ZNF66: variants seen among roughly 807,000 people sequenced by gnomAD.
The protein encoded by ZNF66 is zinc finger protein 66.
A neutral mutation model predicts 35.2 loss-of-function variants in ZNF66; 32 were observed. The ratio of observed to expected loss-of-function variants is 0.91; its 90% CI spans 0.69 to 1.22. The LOEUF (loss-of-function observed/expected upper bound fraction) is 1.22, where lower values mean the gene tolerates loss of function less well. ZNF66 is among the 50% of genes most tolerant of loss of function. The probability of loss-of-function intolerance (pLI) is 0.00; values close to 1 mark genes in which losing one functional copy is unlikely to be tolerated. For synonymous variants in ZNF66, 231 were observed against 181.3 expected (o/e 1.27, Z -2.20); for missense variants, 666 against 543.1 (o/e 1.23, Z -2.25).
intron 1 of ZNF66, chr19:20,785,215 G>C (rs145900419): frequency 6.6e-6 from 1 of 152,280 alleles, no homozygotes; most frequent in Admixed American, 6.5e-5. Flanking sequence ...AATGTGAGCT[G>C]TGCTCTGGGC....
At chr19:20,779,928 CA>C (rs71174746) in intron 1 of ZNF66, among the ~76,000 whole-genome samples, 89,065 of 128,476 alleles carry the variant, frequency 0.69, 29,530 homozygotes, top group Non-Finnish European at 0.73. Context: ...AACTCTGTCT[CA>C]AAAAAAAAAA....
chr19:20,795,239 G>A (rs1003485144), intron 3 of ZNF66, among the ~76,000 whole-genome samples: 1 of 151,880 alleles, frequency 6.6e-6, no homozygotes, highest in Non-Finnish European at 1.5e-5. Context: ...TCAAATAGAA[G>A]CATTGACAAT....
chr19:20,781,963 A>C (rs1309181411), intron 1 of ZNF66, among the ~76,000 whole-genome samples: 1 of 151,338 alleles, frequency 6.6e-6, no homozygotes, highest in East Asian at 2.0e-4. Context: ...TTGGAGACAG[A>C]GTCTCACTTA....
chr19:20,776,398 G>A lies in ZNF66; in HGVS notation c.-50G>A, dbSNP rs141189865. On this transcript the variant is annotated 5_prime_UTR_variant, in exon 1 of 4. Transcript: ENST00000344519. ...GCCTCTGTGGCCCTGTGTCCTGCAG[G>A]TATTGGGAGATCCACAGCTAAGACG... The A allele has an allele frequency of 1.9e-3, 2,951 of 1,550,448 alleles. 4 individuals carry two copies. Among genetic ancestry groups the A allele is most frequent in the Non-Finnish European group, 2.2e-3 (2,508 of 1,124,176 alleles).
intron 3 of ZNF66, among the ~76,000 whole-genome samples, chr19:20,800,301 T>C (rs1177033328): frequency 6.6e-6 from 1 of 152,174 alleles, no homozygotes; most frequent in Non-Finnish European, 1.5e-5. Context: ...TGGCACCCAG[T>C]AGGTATTTTT....
At chr19:20,777,201 G>A (rs182597959) in intron 1 of ZNF66, among the ~76,000 whole-genome samples, 2 of 151,548 alleles carry the variant, frequency 1.3e-5, no homozygotes, top group Non-Finnish European at 1.5e-5. Context: ...GAATTGTAGA[G>A]CACCCAGCTA....
At chr19:20,803,680 A>G (rs945585392) in intron 3 of ZNF66, among the ~76,000 whole-genome samples, 12 of 152,120 alleles carry the variant, frequency 7.9e-5, no homozygotes, top group Admixed American at 6.5e-5. Context: ...TTTCCCAGAA[A>G]GTTACATATT....
chr19:20,780,324 C>CT (rs1210920607), intron 1 of ZNF66, among the ~76,000 whole-genome samples: 4 of 152,120 alleles, frequency 2.6e-5, no homozygotes, highest in Non-Finnish European at 5.9e-5. Flanking sequence ...TGTGTTTCAT[C>CT]TTTCCCCATT....
At chr19:20,792,182 T>A (rs1348325962) in intron 1 of ZNF66, among the ~76,000 whole-genome samples, 1 of 152,200 alleles carries the variant, frequency 6.6e-6, no homozygotes, top group Admixed American at 6.5e-5. Context: ...AAAACATGCC[T>A]TTTTCATCTG....
chr19:20,783,964 C>T (rs1245080965), intron 1 of ZNF66, among the ~76,000 whole-genome samples: 1 of 152,182 alleles, frequency 6.6e-6, no homozygotes. Flanking sequence ...TCAAGTGATT[C>T]TCCTGCCTCA....
chr19:20,799,078 T>TTTTTTTTTTTTTTTTTTTTTTTTTTTC (rs1460346688), intron 3 of ZNF66: 30 of 139,972 alleles, frequency 2.1e-4, no homozygotes, highest in Non-Finnish European at 3.3e-4. Flanking sequence ...TTTTTTTTTT[T>TTTTTTTTTTTTTTTTTTTTTTTTTTTC]TGAGATGGAA....
chr19:20,788,076 A>T (rs1464863183), intron 1 of ZNF66, among the ~76,000 whole-genome samples: 1 of 152,110 alleles, frequency 6.6e-6, no homozygotes, highest in Non-Finnish European at 1.5e-5. Context: ...GTGTTTTTTC[A>T]TCCCCTCATA....
chr19:20,782,072 A>G (rs1307340672), intron 1 of ZNF66, among the ~76,000 whole-genome samples: 1 of 152,138 alleles, frequency 6.6e-6, no homozygotes, highest in Non-Finnish European at 1.5e-5. Flanking sequence ...CCAAGAAGCT[A>G]GGACTACACC....
intron 3 of ZNF66, chr19:20,799,061 C>CTTTTTTTTTTTTTTTTT (rs374547894): frequency 8.6e-6 from 1 of 116,702 alleles, no homozygotes; most frequent in African/African-American, 3.3e-5. Flanking sequence ...CTTTTTCTTT[C>CTTTTTTTTTTTTTTTTT]TTTCTTTTTT....
chr19:20,793,993 G>A (rs535654875), intron 3 of ZNF66, 115 bp downstream of exon 3: 2 of 569,876 alleles, frequency 3.5e-6, no homozygotes, highest in East Asian at 3.1e-5. Context: ...GAACTTCTGG[G>A]CAGCTGTTTT....
intron 1 of ZNF66, 59 bp downstream of exon 1, chr19:20,776,509 C>T (rs958526940): frequency 6.2e-5 from 92 of 1,494,532 alleles, no homozygotes; most frequent in Non-Finnish European, 8.2e-5. Flanking sequence ...GGACTCAGGC[C>T]TCCCCTCAGT....
In ZNF66 at chr19:20,797,247, C is replaced by T. The variant is rs1429554075; in HGVS notation, c.226+3369C>T. Among the ~76,000 whole-genome samples the T allele has an allele frequency of 5.2e-5, 5 of 96,464 alleles. No homozygotes were observed. The Admixed American group carries it at 6.7e-4, about 13-fold the overall frequency. The allele number at this position is 96,464 out of a possible 152,430, so 63.3% of individuals were successfully genotyped here. A position where few individuals can be genotyped will look rare whatever the true frequency, so the allele number is the denominator to read the frequency against. On this transcript the variant is annotated intron_variant, in intron 3 of 3. Coordinates refer to ENST00000344519, the MANE Select transcript of ZNF66 (RefSeq NM_001355197.2). ...TTTTGAGACGGAGTCTCGCTGTCGC[C>T]CAGGCTGGAGTGCAGTGGCGCAATC...
chr19:20,798,659 C>T (rs533092141), intron 3 of ZNF66, among the ~76,000 whole-genome samples: 1 of 152,198 alleles, frequency 6.6e-6, no homozygotes, highest in East Asian at 1.9e-4. Flanking sequence ...AAACTCAATG[C>T]CCATTAAGTA....
intron 1 of ZNF66, among the ~76,000 whole-genome samples, chr19:20,781,092 A>G (rs1971241576): frequency 6.6e-6 from 1 of 152,104 alleles, no homozygotes; most frequent in African/African-American, 2.4e-5. Context: ...CCAACCTACC[A>G]TTTTGGATCA....
Sources: allele counts gnomAD v4.1 joint callset (sites outside exome capture counted in the v4.1 genomes callset), GRCh38; gene constraint gnomAD v4.1.1; transcripts MANE v1.5; gene names NCBI Gene and HGNC (gene_info 2026-07-23, HGNC 2026-07-21).